The following CDH4 variants were observed in gnomAD, a reference collection of about 807,000 sequenced individuals.
CDH4 encodes cadherin 4, also known as cadherin-4.
In CDH4, 33 loss-of-function variants were observed where a neutral mutation model predicts 86.0. That is an observed-to-expected ratio of 0.38 (90% CI 0.29 to 0.51). The LOEUF (loss-of-function observed/expected upper bound fraction) is 0.51. Ranked by LOEUF, CDH4 falls within the 20% of genes least tolerant of loss-of-function variation. The pLI, the probability that CDH4 is intolerant of heterozygous loss-of-function variation, is 0.86. For missense variants in CDH4, 1,114 were observed against 1,307.4 expected, an observed-to-expected ratio of 0.85 and a Z score of 2.28; for synonymous variants, 555 against 549.4, an observed-to-expected ratio of 1.01 and a Z score of -0.14.
intron 4 of CDH4, among the ~76,000 whole-genome samples, chr20:61,778,371 G>A (rs1978359884): frequency 6.6e-6 from 1 of 152,176 alleles, no homozygotes; most frequent in South Asian, 2.1e-4. Flanking sequence ...ACGAAAAAAC[G>A]AGCGGGAGAG....
rs183177325 is a variant in CDH4, at chr20:61,685,866, C to T, written c.170-57697C>T. On this transcript the variant is annotated intron_variant, in intron 2 of 15. Coordinates refer to ENST00000614565, the MANE Select transcript of CDH4 (RefSeq NM_001794.5). ...CACATTAATCTCAGGTGGGATAGTC[C>T]GGGCTGTGGGATCCCCACTGGGTGG... is the stretch of plus-strand genomic sequence containing the variant. 1.2e-3 allele frequency among the ~76,000 whole-genome samples: 186 copies of T among 152,342 alleles called. 1 individual carries two copies. The highest frequency in any genetic ancestry group is 4.2e-3 in the African/African-American group (174 of 41,574).
At chr20:61,782,436 G>A (rs146834568) in intron 4 of CDH4, among the ~76,000 whole-genome samples, 16 of 152,302 alleles carry the variant, frequency 1.1e-4, no homozygotes, top group African/African-American at 3.6e-4. Flanking sequence ...AATGACACCA[G>A]TTGGAAATCC....
intron 14 of CDH4, 120 bp from the exon 15 acceptor site, chr20:61,933,936 A>C: frequency 8.9e-7 from 1 of 1,125,108 alleles, no homozygotes; most frequent in Non-Finnish European, 1.3e-6. Context: ...GGATGCTTGG[A>C]GACCAGGCCA....
intron 9 of CDH4, among the ~76,000 whole-genome samples, chr20:61,920,925 T>C (rs2054973822): frequency 6.7e-6 from 1 of 149,088 alleles, no homozygotes; most frequent in South Asian, 2.1e-4. Context: ...TCGTGGTGAT[T>C]GCATGGAAGC....
At chr20:61,329,855 T>TCCCC (rs58154497) in intron 2 of CDH4, among the ~76,000 whole-genome samples, 8 of 98,962 alleles carry the variant, frequency 8.1e-5, no homozygotes, top group Non-Finnish European at 1.3e-4. Context: ...CCCCACCCCA[T>TCCCC]CCCCCGACAG....
chr20:61,418,210 T>C (rs1242069039), intron 2 of CDH4, among the ~76,000 whole-genome samples: 61 of 24,776 alleles, frequency 2.5e-3, no homozygotes, highest in African/African-American at 0.024. Context: ...CTTTTTTTTC[T>C]TTTTTTTTTT....
intron 2 of CDH4, among the ~76,000 whole-genome samples, chr20:61,285,522 G>A (rs2084288604): frequency 6.6e-6 from 1 of 152,238 alleles, no homozygotes; most frequent in Non-Finnish European, 1.5e-5. Flanking sequence ...GGCCTGGCCT[G>A]TGCGGCCCCT....
intron 3 of CDH4, among the ~76,000 whole-genome samples, chr20:61,752,842 G>A (rs562518544): frequency 6.6e-6 from 1 of 152,298 alleles, no homozygotes; most frequent in South Asian, 2.1e-4. Flanking sequence ...GCACTGAGGT[G>A]CAGAGTTACA....
At chr20:61,646,677 A>G (rs1466098253) in intron 2 of CDH4, among the ~76,000 whole-genome samples, 1 of 152,252 alleles carries the variant, frequency 6.6e-6, no homozygotes, top group African/African-American at 2.4e-5. Context: ...GACACAGATC[A>G]GGCCTCGGCG....
intron 2 of CDH4, among the ~76,000 whole-genome samples, chr20:61,547,542 T>C (rs2086097657): frequency 7.1e-6 from 1 of 141,572 alleles, no homozygotes; most frequent in Non-Finnish European, 1.5e-5. Flanking sequence ...GGCCTGTGAT[T>C]CTCCGTAGTG....
intron 2 of CDH4, among the ~76,000 whole-genome samples, chr20:61,511,817 A>G (rs1463952894): frequency 6.6e-6 from 1 of 152,194 alleles, no homozygotes; most frequent in Non-Finnish European, 1.5e-5. Context: ...GGTCCTCAGC[A>G]TTGATTTCCT....
chr20:61,901,713 A>ACCAGCC (rs969824202), intron 8 of CDH4, among the ~76,000 whole-genome samples: 2 of 152,224 alleles, frequency 1.3e-5, no homozygotes, highest in African/African-American at 4.8e-5. Context: ...CCTCATTAGG[A>ACCAGCC]CCAGCCGGAC....
intron 2 of CDH4, among the ~76,000 whole-genome samples, chr20:61,683,338 A>G (rs994694526): frequency 2.6e-5 from 4 of 152,244 alleles, no homozygotes; most frequent in African/African-American, 4.8e-5. Context: ...GAAATCATGC[A>G]CTTCAGAGGC....
At chr20:61,361,477 G>A (rs1407204269) in intron 2 of CDH4, among the ~76,000 whole-genome samples, 2 of 152,174 alleles carry the variant, frequency 1.3e-5, no homozygotes, top group Non-Finnish European at 2.9e-5. Context: ...GGATACAGCT[G>A]CAGTGATCAA....
At chr20:61,886,961 A>G (rs533473096) in intron 7 of CDH4, among the ~76,000 whole-genome samples, 9 of 152,262 alleles carry the variant, frequency 5.9e-5, no homozygotes, top group East Asian at 1.9e-4. Context: ...GAGCAGCCCA[A>G]TGTAAGCCTT....
chr20:61,303,675 T>C (rs1568789511), intron 2 of CDH4, among the ~76,000 whole-genome samples: 1 of 152,168 alleles, frequency 6.6e-6, no homozygotes, highest in Non-Finnish European at 1.5e-5. Context: ...CCAGCGCCAT[T>C]GCTTAATTTC....
intron 2 of CDH4, among the ~76,000 whole-genome samples, chr20:61,729,524 A>C (rs1389417903): frequency 6.6e-6 from 1 of 152,220 alleles, no homozygotes; most frequent in Admixed American, 6.5e-5. Flanking sequence ...TTCACGACGT[A>C]AGGCTCTTTC....
intron 7 of CDH4, among the ~76,000 whole-genome samples, chr20:61,887,621 A>G (rs1486028099): frequency 6.6e-6 from 1 of 152,264 alleles, no homozygotes; most frequent in African/African-American, 2.4e-5. Context: ...ATACATTGAA[A>G]GCACCACAGC....
intron 4 of CDH4, among the ~76,000 whole-genome samples, chr20:61,795,843 ATGAG>A (rs766242896): frequency 2.3e-4 from 35 of 152,296 alleles, no homozygotes; most frequent in Admixed American, 6.5e-4. Context: ...GAATGAATGA[ATGAG>A]TGAATGAATG....
Sources: allele counts gnomAD v4.1 joint callset (sites outside exome capture counted in the v4.1 genomes callset), GRCh38; gene constraint gnomAD v4.1.1; transcripts MANE v1.5; gene names NCBI Gene and HGNC (gene_info 2026-07-23, HGNC 2026-07-21).